The following TSPAN16 variants were observed in gnomAD, a reference collection of about 807,000 sequenced individuals.
TSPAN16 encodes the protein tetraspanin-16.
A neutral mutation model predicts 25.2 loss-of-function variants in TSPAN16; 23 were observed. That is an observed-to-expected ratio of 0.91 (90% CI 0.66 to 1.29). The LOEUF (loss-of-function observed/expected upper bound fraction) is 1.29. Ranked by LOEUF, TSPAN16 falls within the 50% of genes most tolerant of loss-of-function variation. The pLI is 0.00. For missense variants in TSPAN16, 272 were observed against 299.9 expected (o/e 0.91, Z 0.69); for synonymous variants, 123 against 124.4 (o/e 0.99, Z 0.08).
At chr19:11,320,984 C>A (rs1270377475) in intron 6 of TSPAN16, among the ~76,000 whole-genome samples, 1 of 152,056 alleles carries the variant, frequency 6.6e-6, no homozygotes, top group African/African-American at 2.4e-5. Flanking sequence ...GCCTGGCCAA[C>A]GTGGTGAAAC....
At chr19:11,303,189 A>G (rs1490028409) in intron 4 of TSPAN16, among the ~76,000 whole-genome samples, 1 of 146,084 alleles carries the variant, frequency 6.8e-6, no homozygotes, top group East Asian at 2.0e-4. Flanking sequence ...GACATGGGAG[A>G]CTTTTCATTT....
At chr19:11,308,013 A>G (rs1270277687) in intron 5 of TSPAN16, 4 of 152,168 alleles carry the variant, frequency 2.6e-5, no homozygotes, top group African/African-American at 9.7e-5. Context: ...ATGAAAAGTG[A>G]TCATCCTAGC....
chr19:11,321,711 G>A (rs368146111), intron 6 of TSPAN16, among the ~76,000 whole-genome samples: 42 of 152,250 alleles, frequency 2.8e-4, no homozygotes, highest in Middle Eastern at 3.4e-3. Flanking sequence ...GCAGGGCCCC[G>A]GGGGCCACAG....
intron 6 of TSPAN16, chr19:11,323,576 G>A (rs1445140668): frequency 6.6e-6 from 1 of 152,124 alleles, no homozygotes; most frequent in East Asian, 1.9e-4. Context: ...GGGCAATAGA[G>A]CGAGACTCTG....
chr19:11,310,514 T>C (rs1380067042), intron 5 of TSPAN16, among the ~76,000 whole-genome samples: 3 of 77,408 alleles, frequency 3.9e-5, no homozygotes, highest in African/African-American at 7.3e-5. Flanking sequence ...AAATTCCGTC[T>C]CAAAAAAAAA....
At chr19:11,326,919 C>T (rs1353561267) in exon 7 of TSPAN16, 2 of 528,212 alleles carry the variant, frequency 3.8e-6, no homozygotes, top group African/African-American at 2.0e-5. Flanking sequence ...TTCCTGCATC[C>T]TTTTAAGGTT....
chr19:11,315,803 C>G lies in TSPAN16; in HGVS notation c.700C>G (p.Leu234Val), dbSNP rs942872522. Residue 234 changes from leucine (L) to valine (V), a missense_variant, in exon 7 of 7, where the codon CTT becomes GTT. Coordinates refer to ENST00000590327, the MANE Select transcript of TSPAN16 (RefSeq NM_001282509.2). ...TCACGCATTTCAGTTGCCAGGAATTCTTGCCACTTTGCTGCTGTTTATCAA... is the reference window on the plus strand; with the variant it reads ...TCACGCATTTCAGTTGCCAGGAATTGTTGCCACTTTGCTGCTGTTTATCAA... ...GAAVIQLPGI[L>V]ATLLLFIKLG The G allele has an allele frequency of 1.6e-6, 2 of 1,231,830 alleles. No homozygotes were observed. The highest frequency in any genetic ancestry group is 8.5e-5 in the Admixed American group (2 of 23,662). The allele number at this position is 1,231,830 out of a possible 1,614,324, so 76.3% of individuals were successfully genotyped here.
In TSPAN16 at chr19:11,298,873, G is replaced by A; in HGVS notation, c.269G>A (p.Cys90Tyr). ...CCTCTCTCCCCGTGTGTCTTTTAGT[G>A]CATCCTGTCAATGGTTATTGTCCTC... ...TKESRGTLLF[C>Y]ILSMVIVLIM... is the part of the protein sequence containing the mutation. Residue 90 changes from cysteine to tyrosine, a missense_variant and splice_region_variant, in exon 3 of 7, where the codon TGC becomes TAC. Coordinates refer to ENST00000590327, the MANE Select transcript of TSPAN16 (RefSeq NM_001282509.2). 6.2e-7 allele frequency: 1 copy of A among 1,614,020 alleles called. No individual in the cohort carries two copies. Among genetic ancestry groups the A allele is most frequent in the South Asian group, 1.1e-5 (1 of 91,074 alleles).
chr19:11,296,507 C>T (rs941309982), intron 1 of TSPAN16, 141 bp downstream of exon 1: 51 of 824,782 alleles, frequency 6.2e-5, no homozygotes, highest in African/African-American at 1.2e-4. Flanking sequence ...GTAGGGCAGA[C>T]GGAGGAGGAG....
chr19:11,325,675 G>C, intron 6 of TSPAN16: 1 of 1,268,344 alleles, frequency 7.9e-7, no homozygotes, highest in Non-Finnish European at 1.1e-6. Flanking sequence ...TCTAAGCCTA[G>C]TTCTGCTCTT....
chr19:11,318,567 CAG>C (rs921170512), downstream of TSPAN16, among the ~76,000 whole-genome samples: 4 of 152,144 alleles, frequency 2.6e-5, no homozygotes, highest in African/African-American at 7.2e-5. Flanking sequence ...TCAATGAACT[CAG>C]GGGTTCATTC....
intron 4 of TSPAN16, among the ~76,000 whole-genome samples, chr19:11,303,058 C>T (rs1331610791): frequency 4.6e-5 from 7 of 150,562 alleles, no homozygotes; most frequent in Non-Finnish European, 5.9e-5. Context: ...GGGAGGTGTG[C>T]CCAACAGCTC....
At chr19:11,298,023 G>A (rs2080498303) in intron 1 of TSPAN16, 119 bp from the exon 2 acceptor site, 2 of 1,016,080 alleles carry the variant, frequency 2.0e-6, no homozygotes, top group Non-Finnish European at 3.0e-6. Context: ...CTGGGCTCAA[G>A]TCTTGGCCTT....
chr19:11,303,763 G>A (rs1229938009), intron 4 of TSPAN16, among the ~76,000 whole-genome samples: 4 of 150,648 alleles, frequency 2.7e-5, no homozygotes, highest in East Asian at 3.9e-4. Flanking sequence ...ATTTCTCCAC[G>A]TCCTTGACAC....
intron 3 of TSPAN16, among the ~76,000 whole-genome samples, chr19:11,299,692 GGGCCAGGTGCGGT>G (rs1410456062): frequency 6.6e-6 from 1 of 152,078 alleles, no homozygotes; most frequent in African/African-American, 2.4e-5. Context: ...ATTGCAAAGA[GGGCCAGGTGCGGT>G]GGCTCACGCC....
intron 5 of TSPAN16, 155 bp downstream of exon 5, chr19:11,306,911 G>A (rs1568290888): frequency 4.5e-6 from 3 of 661,268 alleles, no homozygotes; most frequent in Non-Finnish European, 7.3e-6. Flanking sequence ...CGCCTCCCAG[G>A]TTCAAGTGAT....
rs777876345 is a variant in TSPAN16 at position 11,315,964 on chromosome 19, C to T, written c.*126C>T. On this transcript the variant is annotated 3_prime_UTR_variant, in exon 7 of 7. Coordinates refer to ENST00000590327, the MANE Select transcript of TSPAN16 (RefSeq NM_001282509.2). ...GACTGTTAATAAAAGATTTGGGAAC[C>T]CCCTGTCCAGCCTGACTTCTTTCTC... 1 of 1,227,440 alleles carries T rather than the reference C, an allele frequency of 8.1e-7. No homozygotes were observed. The highest frequency in any genetic ancestry group is 1.0e-6 in the Non-Finnish European group (1 of 985,348). The allele number at this position is 1,227,440 out of a possible 1,614,324, so 76.0% of individuals were successfully genotyped here. A position where few individuals can be genotyped will look rare whatever the true frequency, so the allele number is the denominator to read the frequency against.
chr19:11,316,974 C>CT (rs2080752847), downstream of TSPAN16, among the ~76,000 whole-genome samples: 1 of 149,102 alleles, frequency 6.7e-6, no homozygotes, highest in Non-Finnish European at 1.5e-5. Flanking sequence ...CCACGCCTGG[C>CT]TAATTTTTTG....
At chr19:11,319,492 C>G (rs555210921), downstream of TSPAN16, among the ~76,000 whole-genome samples, 1 of 151,974 alleles carries the variant, frequency 6.6e-6, no homozygotes, top group African/African-American at 2.4e-5. Flanking sequence ...CCAGCTACTC[C>G]GGAGGCTGAG....
Sources: gnomAD v4.1 joint callset for allele counts (sites outside exome capture counted in the v4.1 genomes callset) on GRCh38, gnomAD v4.1.1 for gene constraint, MANE v1.5 for transcripts, NCBI Gene and HGNC (gene_info 2026-07-23, HGNC 2026-07-21) for gene names.